Variants in KCNH7 observed in about 807,000 individuals in gnomAD.
KCNH7 encodes the protein voltage-gated inwardly rectifying potassium channel KCNH7.
In KCNH7, 49 loss-of-function variants were observed where a neutral mutation model predicts 120.8. The ratio of observed to expected loss-of-function variants is 0.41; its 90% CI spans 0.32 to 0.51. The LOEUF (loss-of-function observed/expected upper bound fraction) is 0.51, where lower values mean the gene tolerates loss of function less well. Ranked by LOEUF, KCNH7 falls within the 20% of genes least tolerant of loss-of-function variation. The probability of loss-of-function intolerance (pLI) is 0.38; values close to 1 mark genes in which losing one functional copy is unlikely to be tolerated. For missense variants in KCNH7, 1,097 were observed against 1,446.6 expected, an observed-to-expected ratio of 0.76 and a Z score of 3.92; for synonymous variants, 547 against 516.1, an observed-to-expected ratio of 1.06 and a Z score of -0.81.
intron 6 of KCNH7, among the ~76,000 whole-genome samples, chr2:162,458,315 T>A (rs1233446884): frequency 6.6e-6 from 1 of 152,168 alleles, no homozygotes; most frequent in East Asian, 1.9e-4. Flanking sequence ...AATTATAATA[T>A]TTACAAATTA....
intron 2 of KCNH7, among the ~76,000 whole-genome samples, chr2:162,541,821 T>A (rs189917021): frequency 6.0e-4 from 91 of 152,204 alleles, no homozygotes; most frequent in Middle Eastern, 3.4e-3. Context: ...AACCTGCACA[T>A]TCTGCACATG....
intron 6 of KCNH7, among the ~76,000 whole-genome samples, chr2:162,466,772 A>T (rs767517505): frequency 9.9e-5 from 15 of 152,208 alleles, no homozygotes; most frequent in Non-Finnish European, 1.9e-4. Context: ...TAAAATACTC[A>T]AAAGTATCTG....
chr2:162,432,951 G>T (rs151202270), intron 8 of KCNH7, among the ~76,000 whole-genome samples: 2 of 151,860 alleles, frequency 1.3e-5, no homozygotes, highest in East Asian at 3.9e-4. Context: ...GTAAAGTTTC[G>T]AGATACAGAA....
At chr2:162,513,195 T>TTCCTC (rs1691142215) in intron 4 of KCNH7, among the ~76,000 whole-genome samples, 2 of 90,208 alleles carry the variant, frequency 2.2e-5, no homozygotes, top group Non-Finnish European at 4.1e-5. Flanking sequence ...CCTCCCTCCC[T>TTCCTC]CCTTCCCTTC....
At chr2:162,687,374 G>C (rs73014106) in intron 2 of KCNH7, among the ~76,000 whole-genome samples, 23,191 of 152,030 alleles carry the variant, frequency 0.15, 5,563 homozygotes, top group African/African-American at 0.51. Context: ...TAATTAAATT[G>C]TGTACCTTTA....
intron 9 of KCNH7, among the ~76,000 whole-genome samples, chr2:162,413,514 T>C (rs1687453916): frequency 6.6e-6 from 1 of 152,134 alleles, no homozygotes; most frequent in African/African-American, 2.4e-5. Flanking sequence ...TGATGTAATG[T>C]GTAACACAGG....
At position 162,543,655 on chromosome 2, in the gene KCNH7, C is replaced by T. The variant is rs74378504; in HGVS notation, c.308-6575G>A. On this transcript the variant is annotated intron_variant, in intron 2 of 15. Transcript: ENST00000332142. ...TTCTTGGATGTGCAGCTCTGTGTAG[C>T]CCCTAGAATTGGACAGACTTGGCTC... is the stretch of plus-strand genomic sequence containing the variant. Among the ~76,000 whole-genome samples the T allele has an allele frequency of 3.7e-3, 558 of 152,108 alleles. 23 individuals are homozygous for T. In the East Asian group the frequency reaches 0.096, roughly 26 times the overall value.
intron 2 of KCNH7, among the ~76,000 whole-genome samples, chr2:162,646,199 T>G (rs1191448378): frequency 6.6e-6 from 1 of 152,216 alleles, no homozygotes; most frequent in Non-Finnish European, 1.5e-5. Flanking sequence ...ATATTAGAAC[T>G]GAGAATGCCC....
At chr2:162,764,695 A>C (rs1405402703) in intron 2 of KCNH7, among the ~76,000 whole-genome samples, 1 of 152,190 alleles carries the variant, frequency 6.6e-6, no homozygotes, top group African/African-American at 2.4e-5. Context: ...AAATCAATTC[A>C]TGAGTTATTT....
chr2:162,642,489 A>G lies in KCNH7; in HGVS notation c.308-105409T>C, dbSNP rs536719227. ...GGCATATTGCACATATTTCTGAGTT[A>G]CTTAAATGAAAGATTCTCAGTTTAG... On this transcript the variant is annotated intron_variant, in intron 2 of 15. Transcript: ENST00000332142. 7.2e-5 allele frequency among the ~76,000 whole-genome samples: 11 copies of G among 152,326 alleles called. No individual in the cohort carries two copies. In the East Asian group the frequency reaches 2.1e-3, roughly 29 times the overall value.
At chr2:162,433,521 A>C (rs1330790515) in intron 8 of KCNH7, among the ~76,000 whole-genome samples, 1 of 152,082 alleles carries the variant, frequency 6.6e-6, no homozygotes, top group Non-Finnish European at 1.5e-5. Context: ...GAAAATAAGC[A>C]ATGTATAAAG....
At chr2:162,772,444 A>G (rs1033915149) in intron 2 of KCNH7, among the ~76,000 whole-genome samples, 3 of 152,168 alleles carry the variant, frequency 2.0e-5, no homozygotes, top group Non-Finnish European at 4.4e-5. Flanking sequence ...ATCACATTCA[A>G]TCCCCATGAC....
At chr2:162,744,321 T>A (rs1239508488) in intron 2 of KCNH7, among the ~76,000 whole-genome samples, 1 of 152,218 alleles carries the variant, frequency 6.6e-6, no homozygotes. Context: ...ATGTTAATTT[T>A]TGATAATTTC....
chr2:162,763,765 GTGTGTGTTTTGC>G (rs1689046219), intron 2 of KCNH7, among the ~76,000 whole-genome samples: 1 of 135,186 alleles, frequency 7.4e-6, no homozygotes, highest in African/African-American at 3.0e-5. Context: ...GTGTGTGTGT[GTGTGTGTTTTGC>G]TTTTGTTTTT....
At chr2:162,776,730 G>A (rs530374765) in intron 2 of KCNH7, among the ~76,000 whole-genome samples, 1 of 152,044 alleles carries the variant, frequency 6.6e-6, no homozygotes, top group African/African-American at 2.4e-5. Flanking sequence ...AAAAGGCAAT[G>A]GGATTTTCTC....
chr2:162,730,555 A>C (rs1687688345), intron 2 of KCNH7, among the ~76,000 whole-genome samples: 1 of 152,034 alleles, frequency 6.6e-6, no homozygotes, highest in Non-Finnish European at 1.5e-5. Flanking sequence ...TGAATAACAA[A>C]TGACAATTAA....
chr2:162,820,209 T>TTGTGTGTGTG (rs71410049), intron 2 of KCNH7, among the ~76,000 whole-genome samples: 17,184 of 99,504 alleles, frequency 0.17, 1,907 homozygotes, highest in Middle Eastern at 0.23. Flanking sequence ...CCGGCTAATT[T>TTGTGTGTGTG]TGTGTGTGTG....
chr2:162,677,662 G>C (rs1477694896), intron 2 of KCNH7, among the ~76,000 whole-genome samples: 1 of 151,480 alleles, frequency 6.6e-6, no homozygotes, highest in Non-Finnish European at 1.5e-5. Flanking sequence ...TCTTTTGGCA[G>C]ACATATTATG....
chr2:162,821,319 C>T (rs556509779), intron 2 of KCNH7, among the ~76,000 whole-genome samples: 2 of 152,168 alleles, frequency 1.3e-5, no homozygotes, highest in Admixed American at 1.3e-4. Context: ...TTACTAAGAA[C>T]CTTCAACATG....
Sources: allele counts gnomAD v4.1 joint callset (sites outside exome capture counted in the v4.1 genomes callset), GRCh38; gene constraint gnomAD v4.1.1; transcripts MANE v1.5; gene names NCBI Gene and HGNC (gene_info 2026-07-23, HGNC 2026-07-21).